Variants in KCTD6 observed in about 807,000 individuals in gnomAD.
The protein encoded by KCTD6 is potassium channel tetramerization domain containing 6, also known as BTB/POZ domain-containing protein KCTD6.
In KCTD6, 6 loss-of-function variants were observed where a neutral mutation model predicts 18.7. The observed-to-expected ratio is 0.32, with a 90% CI of 0.18 to 0.63. The LOEUF (loss-of-function observed/expected upper bound fraction) is 0.63, where lower values mean the gene tolerates loss of function less well. Among genes scored for constraint, KCTD6 ranks in the 30% least tolerant of loss-of-function variants. KCTD6 has a pLI of 0.79. For synonymous variants in KCTD6, 86 were observed against 108.5 expected (o/e 0.79, Z 1.29); for missense variants, 165 against 300.2 (o/e 0.55, Z 3.33).
rs1182771352 is a variant in KCTD6 at position 58,497,724 on chromosome 3, T to C, written c.-43-989T>C. The C allele has an allele frequency of 6.6e-6, 1 of 152,246 alleles. No homozygotes were observed. The highest frequency in any genetic ancestry group is 2.4e-5 in the African/African-American group (1 of 41,458). The allele number at this position is 152,246 out of a possible 1,614,324, so 9.4% of individuals were successfully genotyped here. Reference sequence around the variant, plus strand: ...CGGTAAGGTTCTTTTTGCCCCAAATTGTGCTCTTTAACACTTCGGCATTTA... The same window carrying C: ...CGGTAAGGTTCTTTTTGCCCCAAATCGTGCTCTTTAACACTTCGGCATTTA... On this transcript the variant is annotated intron_variant, in intron 1 of 2. Transcript: ENST00000404589. This position sits in a 1 kb window ranked among gnomAD's most constrained non-coding sequence, Gnocchi z 4.2.
chr3:58,500,202 G>T (rs2063198506), intron 2 of KCTD6: 1 of 151,024 alleles, frequency 6.6e-6, no homozygotes, highest in African/African-American at 2.4e-5. Flanking sequence ...TGCAGCCTGT[G>T]CCTCCTGGGT....
Position 58,498,980 on chromosome 3 carries a change from AT to A in KCTD6, c.27+206del, listed in dbSNP as rs1487687494. ...GTGGTGTTTTTTAAATTTTTATTTA[AT>A]TTTTTTTATGTGGAGTCTCGCCTTC... On this transcript the variant is annotated intron_variant, in intron 2 of 2. Coordinates refer to ENST00000404589, the MANE Select transcript of KCTD6 (RefSeq NM_001128214.2). This position sits in a 1 kb window ranked among gnomAD's most constrained non-coding sequence, Gnocchi z 4.6. Among the ~76,000 whole-genome samples, 2 of 151,666 alleles carry A rather than the reference AT, an allele frequency of 1.3e-5. No individual in the cohort carries two copies. The highest frequency in any genetic ancestry group is 4.8e-5 in the African/African-American group (2 of 41,264).
Position 58,501,432 on chromosome 3 carries a change from G to C in KCTD6, c.514G>C (p.Asp172His). ...KWNKHMMDTR[D>H]CQVSFTFGPC... Reference sequence around the variant, plus strand: ...GAATAAGCACATGATGGACACCAGAGACTGCCAGGTTTCCTTTACTTTTGG... The same window carrying C: ...GAATAAGCACATGATGGACACCAGACACTGCCAGGTTTCCTTTACTTTTGG... The change falls in exon 3 of 3, where the codon GAC (aspartate) becomes CAC (histidine). Residue 172 changes from aspartate to histidine, a missense_variant. Physicochemically the swap from Asp to His is moderately conservative, Grantham distance 81. This residue lies in a region of KCTD6 where 106 missense variants were observed against 230.4 expected (regional missense o/e 0.46). Coordinates refer to ENST00000404589, the MANE Select transcript of KCTD6 (RefSeq NM_001128214.2). This position sits in a 1 kb window ranked among gnomAD's most constrained non-coding sequence, Gnocchi z 9.7. The C allele has an allele frequency of 6.5e-7, 1 of 1,547,990 alleles. No homozygotes were observed. Among genetic ancestry groups the C allele is most frequent in the Non-Finnish European group, 8.7e-7 (1 of 1,152,778 alleles).
intron 1 of KCTD6, chr3:58,494,505 TG>T (rs1353233455): frequency 1.4e-4 from 22 of 152,346 alleles, no homozygotes; most frequent in African/African-American, 5.3e-4. Context: ...CTGGAAACTC[TG>T]GGAAGTCAGT....
At chr3:58,500,538 C>G (rs1201757873) in intron 2 of KCTD6, 2 of 155,790 alleles carry the variant, frequency 1.3e-5, no homozygotes, top group Non-Finnish European at 2.8e-5. Context: ...TTAATTCTAT[C>G]TAATGTTAAA....
rs2107972931 is a variant in KCTD6, at chr3:58,493,775, A to T, written c.-44+1606A>T. On this transcript the variant is annotated intron_variant, in intron 1 of 2. Transcript: ENST00000404589. This position sits in a 1 kb window ranked among gnomAD's most constrained non-coding sequence, Gnocchi z 4.5. ...TTATGCTGCTGCCACTAATGTTTTC[A>T]CATTTGTCTAATACTTGCTAGTTTA... The T allele has an allele frequency of 6.6e-6, 1 of 152,318 alleles. No homozygotes were observed. The highest frequency in any genetic ancestry group is 2.1e-4 in the South Asian group (1 of 4,826). 9.4% of individuals were successfully genotyped at this position (152,318 alleles called of 1,614,324 possible).
At position 58,492,712 on chromosome 3, in the gene KCTD6, T is replaced by C. The variant is rs1039360716; in HGVS notation, c.-44+543T>C. On this transcript the variant is annotated intron_variant, in intron 1 of 2. Transcript: ENST00000404589. This position sits in a 1 kb window ranked among gnomAD's most constrained non-coding sequence, Gnocchi z 6.1. Reference sequence around the variant, plus strand: ...GCAGCTGAGTTCTTTATGCCTAGATTTGTGTGTGTGTGGTGGCGTTTTTAA... The same window carrying C: ...GCAGCTGAGTTCTTTATGCCTAGATCTGTGTGTGTGTGGTGGCGTTTTTAA... 6.6e-6 allele frequency among the ~76,000 whole-genome samples: 1 copy of C among 151,916 alleles called. No individual in the cohort carries two copies. The highest frequency in any genetic ancestry group is 2.4e-5 in the African/African-American group (1 of 41,348).
intron 2 of KCTD6, among the ~76,000 whole-genome samples, chr3:58,499,547 CTTT>C (rs11418436): frequency 2.5e-5 from 3 of 121,870 alleles, no homozygotes; most frequent in African/African-American, 6.2e-5. Flanking sequence ...TTCTTTCTTC[CTTT>C]TTTTTTTTTT....
Position 58,497,475 on chromosome 3 carries a change from G to A in KCTD6, c.-43-1238G>A, listed in dbSNP as rs1222487633. 6.6e-6 allele frequency among the ~76,000 whole-genome samples: 1 copy of A among 152,218 alleles called. No homozygotes were observed. Among genetic ancestry groups the A allele is most frequent in the Non-Finnish European group, 1.5e-5 (1 of 68,034 alleles). Reference sequence around the variant, plus strand: ...ATGTTTCTTACCATGTCTTGCCAGAGCTTTAGAAATTTGCTCTGCAGTTTG... The same window carrying A: ...ATGTTTCTTACCATGTCTTGCCAGAACTTTAGAAATTTGCTCTGCAGTTTG... On this transcript the variant is annotated intron_variant, in intron 1 of 2. Coordinates refer to ENST00000404589, the MANE Select transcript of KCTD6 (RefSeq NM_001128214.2). This position sits in a 1 kb window ranked among gnomAD's most constrained non-coding sequence, Gnocchi z 4.2.
rs1056807916 is a variant in KCTD6, at chr3:58,498,612, T to C, written c.-43-101T>C. 1 of 717,142 alleles carries C rather than the reference T, an allele frequency of 1.4e-6. No individual in the cohort carries two copies. The highest frequency in any genetic ancestry group is 2.5e-5 in the Admixed American group (1 of 39,756). 44.4% of individuals were successfully genotyped at this position (717,142 alleles called of 1,614,324 possible). On this transcript the variant is annotated intron_variant, in intron 1 of 2. Transcript: ENST00000404589. The surrounding 1 kb of genome is among the most constrained non-coding windows in gnomAD (Gnocchi z 4.6). ...GTTTCAGCTGAGCAAGGACGAGTAG[T>C]TTTTCTGGTGTTTGGCCTCCTCTGT...
Position 58,501,268 on chromosome 3 carries a change from T to C in KCTD6, c.350T>C (p.Phe117Ser). 1 of 1,614,180 alleles carries C rather than the reference T, an allele frequency of 6.2e-7. No homozygotes were observed. The highest frequency in any genetic ancestry group is 8.5e-7 in the Non-Finnish European group (1 of 1,180,008). The change falls in exon 3 of 3, where the codon TTT becomes TCT. Residue 117 changes from phenylalanine to serine, a missense_variant. Around this residue, in one of 2 missense-constraint regions of KCTD6, gnomAD observed 106 missense variants for 230.4 expected, o/e 0.46. Coordinates refer to ENST00000404589, the MANE Select transcript of KCTD6 (RefSeq NM_001128214.2). This position sits in a 1 kb window ranked among gnomAD's most constrained non-coding sequence, Gnocchi z 9.7. The stretch of plus-strand genomic sequence containing the variant: ...AAGCCTTTGTATCCCATGGATACTT[T>C]TGAAGAAGTTGTGGAGCTGTCTAGT... ...DPKPLYPMDT[F>S]EEVVELSSTR... is the part of the protein sequence containing the mutation.
At chr3:58,500,805 G>T in intron 2 of KCTD6, 141 bp from the exon 3 acceptor site, 1 of 528,528 alleles carries the variant, frequency 1.9e-6, no homozygotes, top group East Asian at 3.1e-5. Context: ...TGGTAGTAAA[G>T]TCATTTTGCA....
Position 58,496,163 on chromosome 3 carries a change from C to T in KCTD6, c.-43-2550C>T, listed in dbSNP as rs553386131. Among the ~76,000 whole-genome samples the T allele has an allele frequency of 2.0e-5, 3 of 152,006 alleles. No individual in the cohort carries two copies. Among genetic ancestry groups the T allele is most frequent in the Non-Finnish European group, 2.9e-5 (2 of 68,030 alleles). ...GGCCTCAGGAGAATTTTTACAAACC[C>T]ATTATGACTGTTTAGTTAGGCTGAG... is the stretch of plus-strand genomic sequence containing the variant. On this transcript the variant is annotated intron_variant, in intron 1 of 2. Coordinates refer to ENST00000404589, the MANE Select transcript of KCTD6 (RefSeq NM_001128214.2). This position sits in a 1 kb window ranked among gnomAD's most constrained non-coding sequence, Gnocchi z 5.1.
At chr3:58,500,678 C>T (rs919083277) in intron 2 of KCTD6, among the ~76,000 whole-genome samples, 1 of 152,076 alleles carries the variant, frequency 6.6e-6, no homozygotes, top group Non-Finnish European at 1.5e-5. Flanking sequence ...AATGATTTGG[C>T]TCTGGAAGTC....
rs2063191852 is a variant in KCTD6 at position 58,498,871 on chromosome 3, A to G, written c.27+89A>G. On this transcript the variant is annotated intron_variant, in intron 2 of 2. Transcript: ENST00000404589. This position sits in a 1 kb window ranked among gnomAD's most constrained non-coding sequence, Gnocchi z 4.6. ...TTATGTATTTTTAGGTATATCTTAT[A>G]AGAAAAGAAAATTGTGAATTTGTGT... 2 of 1,085,668 alleles carry G rather than the reference A, an allele frequency of 1.8e-6. No homozygotes were observed. Among genetic ancestry groups the G allele is most frequent in the Non-Finnish European group, 2.7e-6 (2 of 736,920 alleles). The allele number at this position is 1,085,668 out of a possible 1,614,324, so 67.3% of individuals were successfully genotyped here. A position where few individuals can be genotyped will look rare whatever the true frequency, so the allele number is the denominator to read the frequency against.
intron 2 of KCTD6, among the ~76,000 whole-genome samples, chr3:58,499,120 C>T (rs2063193115): frequency 6.6e-6 from 1 of 152,070 alleles, no homozygotes; most frequent in Non-Finnish European, 1.5e-5. Flanking sequence ...TCAGCGTGCA[C>T]CACCACATCT....
chr3:58,501,280 T>C lies in KCTD6; in HGVS notation c.362T>C (p.Val121Ala), dbSNP rs1412939388. ...LYPMDTFEEV[V>A]ELSSTRKLSK... ...CCCATGGATACTTTTGAAGAAGTTG[T>C]GGAGCTGTCTAGTACTCGGAAGCTT... Residue 121 changes from valine to alanine, a missense_variant, in exon 3 of 3, where the codon GTG becomes GCG. Coordinates refer to ENST00000404589, the MANE Select transcript of KCTD6 (RefSeq NM_001128214.2). This position sits in a 1 kb window ranked among gnomAD's most constrained non-coding sequence, Gnocchi z 9.7. 1.2e-6 allele frequency: 2 copies of C among 1,614,090 alleles called. No individual in the cohort carries two copies. Among genetic ancestry groups the C allele is most frequent in the Non-Finnish European group, 1.7e-6 (2 of 1,179,976 alleles).
In KCTD6 at chr3:58,497,902, G is replaced by GT. The variant is rs1031312594; in HGVS notation, c.-43-806dup. On this transcript the variant is annotated intron_variant, in intron 1 of 2. Coordinates refer to ENST00000404589, the MANE Select transcript of KCTD6 (RefSeq NM_001128214.2). This position sits in a 1 kb window ranked among gnomAD's most constrained non-coding sequence, Gnocchi z 4.2. ...TCCTGGGAGGTTTATGATTTTTGAT[G>GT]TTTTTACTCAGGTGATTGGCTTGTA... The GT allele has an allele frequency of 3.3e-5, 5 of 151,216 alleles. No homozygotes were observed. The highest frequency in any genetic ancestry group is 7.4e-5 in the Non-Finnish European group (5 of 67,860). 9.4% of individuals were successfully genotyped at this position (151,216 alleles called of 1,614,324 possible). A position where few individuals can be genotyped will look rare whatever the true frequency, so the allele number is the denominator to read the frequency against.
rs980080977 is a variant in KCTD6 at position 58,497,700 on chromosome 3, G to A, written c.-43-1013G>A. On this transcript the variant is annotated intron_variant, in intron 1 of 2. Coordinates refer to ENST00000404589, the MANE Select transcript of KCTD6 (RefSeq NM_001128214.2). This position sits in a 1 kb window ranked among gnomAD's most constrained non-coding sequence, Gnocchi z 4.2. ...TGGCTGATTGACTCTCATCTATATCGGTAAGGTTCTTTTTGCCCCAAATTG... is the reference window on the plus strand; with the variant it reads ...TGGCTGATTGACTCTCATCTATATCAGTAAGGTTCTTTTTGCCCCAAATTG... 2 of 152,126 alleles carry A rather than the reference G, an allele frequency of 1.3e-5. No homozygotes were observed. The highest frequency in any genetic ancestry group is 4.8e-5 in the African/African-American group (2 of 41,422). The allele number at this position is 152,126 out of a possible 1,614,324, so 9.4% of individuals were successfully genotyped here.
Sources: allele counts gnomAD v4.1 joint callset (sites outside exome capture counted in the v4.1 genomes callset), GRCh38; gene constraint gnomAD v4.1.1; regional missense constraint gnomAD v4.1.1; non-coding constraint Gnocchi (gnomAD v3.1); transcripts MANE v1.5; gene names NCBI Gene and HGNC (gene_info 2026-07-23, HGNC 2026-07-21).